Variants in PLXNA4 observed in about 807,000 individuals in gnomAD.
PLXNA4 encodes the protein plexin-A4.
A neutral mutation model predicts 191.8 loss-of-function variants in PLXNA4; 44 were observed. That is an observed-to-expected ratio of 0.23 (90% CI 0.18 to 0.29). PLXNA4 has a LOEUF of 0.29. Among genes scored for constraint, PLXNA4 ranks in the 10% least tolerant of loss-of-function variants. The pLI is 1.00. For missense variants in PLXNA4, 1,800 were observed against 2,488.8 expected, an observed-to-expected ratio of 0.72 and a Z score of 5.89; for synonymous variants, 1,082 against 1,009.5, an observed-to-expected ratio of 1.07 and a Z score of -1.36.
chr7:132,601,198 T>C (rs1563191441), intron 2 of PLXNA4, among the ~76,000 whole-genome samples: 1 of 152,152 alleles, frequency 6.6e-6, no homozygotes, highest in Non-Finnish European at 1.5e-5. Context: ...AGGGAATTTT[T>C]CCTGAAGGAA....
At chr7:132,232,317 T>C (rs1798551933) in intron 5 of PLXNA4, among the ~76,000 whole-genome samples, 1 of 152,096 alleles carries the variant, frequency 6.6e-6, no homozygotes, top group Non-Finnish European at 1.5e-5. Context: ...ATTTCCCAGG[T>C]AGGAAAACTA....
chr7:132,499,458 C>T (rs1798159855), intron 2 of PLXNA4, among the ~76,000 whole-genome samples: 1 of 152,234 alleles, frequency 6.6e-6, no homozygotes, highest in Admixed American at 6.5e-5. Context: ...TGCCACCTCT[C>T]TCCTTTTGTA....
intron 2 of PLXNA4, among the ~76,000 whole-genome samples, chr7:132,619,065 G>C (rs1002251208): frequency 7.9e-5 from 12 of 152,166 alleles, no homozygotes; most frequent in South Asian, 2.1e-4. Flanking sequence ...TTGTGGCTCA[G>C]AAGGAAATGA....
At chr7:132,363,308 A>G (rs1422571219) in intron 3 of PLXNA4, among the ~76,000 whole-genome samples, 1 of 151,966 alleles carries the variant, frequency 6.6e-6, no homozygotes, top group Non-Finnish European at 1.5e-5. Flanking sequence ...TATCTTCCCA[A>G]ACTGCAACTC....
rs552890453 is a variant in PLXNA4 at position 132,391,049 on chromosome 7, G to A, written c.1372-92827C>T. The stretch of plus-strand genomic sequence containing the variant: ...GTTTCCCTTTTGCCCCATCCCTTTC[G>A]AGTAAAGCAAAGGGATGATGGAATC... On this transcript the variant is annotated intron_variant, in intron 3 of 31. Coordinates refer to ENST00000321063, the MANE Select transcript of PLXNA4 (RefSeq NM_020911.2). 7.9e-5 allele frequency among the ~76,000 whole-genome samples: 12 copies of A among 152,252 alleles called. No homozygotes were observed. In the South Asian group the frequency reaches 1.0e-3, roughly 13 times the overall value.
intron 22 of PLXNA4, 114 bp from the exon 23 acceptor site, chr7:132,165,314 T>C: frequency 7.0e-7 from 1 of 1,428,054 alleles, no homozygotes; most frequent in Non-Finnish European, 9.3e-7. Context: ...TTGCTGCTTC[T>C]AGCGTTTAGG....
chr7:132,177,611 G>T (rs538974044), intron 20 of PLXNA4, among the ~76,000 whole-genome samples: 24 of 152,322 alleles, frequency 1.6e-4, no homozygotes, highest in African/African-American at 5.3e-4. Context: ...CCCAGTTGGG[G>T]TGCTCGGCCC....
At chr7:132,540,569 C>CGTTTTTTTT (rs1800030095) in intron 1 of PLXNA4, among the ~76,000 whole-genome samples, 1 of 60,976 alleles carries the variant, frequency 1.6e-5, no homozygotes, top group Non-Finnish European at 2.7e-5. Flanking sequence ...GTGGACCGTT[C>CGTTTTTTTT]TTTTTTTTTT....
rs1309342221 is a variant in PLXNA4, at chr7:132,228,487, T to C, written c.1605-18A>G. The C allele has an allele frequency of 1.2e-6, 2 of 1,613,482 alleles. No homozygotes were observed. The highest frequency in any genetic ancestry group is 1.7e-6 in the Non-Finnish European group (2 of 1,179,536). ...GGGTGCAACTGGGAAGGACATACCC[T>C]CGAGTTACTCAGGAGATGGCCGCTT... On this transcript the variant is annotated intron_variant, in intron 5 of 31. Transcript: ENST00000321063.
chr7:132,528,168 T>C (rs573374668), intron 1 of PLXNA4, among the ~76,000 whole-genome samples: 1 of 152,266 alleles, frequency 6.6e-6, no homozygotes, highest in African/African-American at 2.4e-5. Flanking sequence ...GTAAGCAGCA[T>C]GAGTGCTTGG....
intron 2 of PLXNA4, among the ~76,000 whole-genome samples, chr7:132,604,677 G>A (rs1349002676): frequency 6.7e-6 from 1 of 148,702 alleles, no homozygotes; most frequent in Non-Finnish European, 1.5e-5. Flanking sequence ...ATTACTTACT[G>A]GGACATCTTC....
chr7:132,176,376 T>C (rs943596432), intron 20 of PLXNA4, among the ~76,000 whole-genome samples: 17 of 152,164 alleles, frequency 1.1e-4, no homozygotes, highest in African/African-American at 4.1e-4. Flanking sequence ...GTTTTTGGCA[T>C]GTACTGTCAC....
At chr7:132,489,832 A>G (rs189229966) in intron 2 of PLXNA4, among the ~76,000 whole-genome samples, 56 of 152,312 alleles carry the variant, frequency 3.7e-4, no homozygotes, top group Middle Eastern at 3.4e-3. Flanking sequence ...GCCCTGGGTC[A>G]GCCCAGATGA....
chr7:132,233,628 A>G (rs932102272), intron 5 of PLXNA4, among the ~76,000 whole-genome samples: 5 of 152,230 alleles, frequency 3.3e-5, no homozygotes, highest in Admixed American at 6.5e-5. Context: ...AGATTTACCC[A>G]TGCATCCCCT....
chr7:132,629,499 T>C (rs1803450581), intron 2 of PLXNA4, among the ~76,000 whole-genome samples: 1 of 152,226 alleles, frequency 6.6e-6, no homozygotes, highest in Non-Finnish European at 1.5e-5. Flanking sequence ...TCTGAGTTTC[T>C]GGAGTGAGGT....
upstream of PLXNA4, chr7:132,577,069 C>A: frequency 6.8e-6 from 1 of 146,416 alleles, no homozygotes; most frequent in South Asian, 1.8e-4. Context: ...GCTGGGGGGC[C>A]GCGGGAGCCG....
At chr7:132,586,292 CAT>C (rs1449780229) in intron 2 of PLXNA4, among the ~76,000 whole-genome samples, 1 of 152,144 alleles carries the variant, frequency 6.6e-6, no homozygotes, top group Non-Finnish European at 1.5e-5. Flanking sequence ...ATAAAAGAAA[CAT>C]ATTAAATGTA....
intron 12 of PLXNA4, among the ~76,000 whole-genome samples, chr7:132,200,030 C>T (rs1477622609): frequency 6.6e-6 from 1 of 152,190 alleles, no homozygotes; most frequent in Non-Finnish European, 1.5e-5. Flanking sequence ...CCTGCCTAGC[C>T]AGTCCCCAAA....
chr7:132,573,524 C>T (rs750072781), intron 1 of PLXNA4, among the ~76,000 whole-genome samples: 1 of 152,160 alleles, frequency 6.6e-6, no homozygotes, highest in African/African-American at 2.4e-5. Context: ...CTAGAAAGCC[C>T]CCACTTCATT....
Sources: allele counts gnomAD v4.1 joint callset (sites outside exome capture counted in the v4.1 genomes callset), GRCh38; gene constraint gnomAD v4.1.1; transcripts MANE v1.5; gene names NCBI Gene and HGNC (gene_info 2026-07-23, HGNC 2026-07-21).